IQCH: variants seen among roughly 807,000 people sequenced by gnomAD.
The protein encoded by IQCH is IQ domain-containing protein H.
Under a neutral mutation model 117.0 loss-of-function variants are expected in IQCH, and 98 were observed. That is an observed-to-expected ratio of 0.84 (90% CI 0.71 to 0.99). The LOEUF (loss-of-function observed/expected upper bound fraction) is 0.99, where lower values mean the gene tolerates loss of function less well. Among genes scored for constraint, IQCH ranks in the 50% least tolerant of loss-of-function variants. IQCH has a pLI of 0.00. For synonymous variants in IQCH, 412 were observed against 448.2 expected, an observed-to-expected ratio of 0.92 and a Z score of 1.02; for missense variants, 1,102 against 1,243.8, an observed-to-expected ratio of 0.89 and a Z score of 1.72.
intron 1 of IQCH, among the ~76,000 whole-genome samples, chr15:67,260,287 T>G (rs550325836): frequency 6.6e-6 from 1 of 152,214 alleles, no homozygotes. Flanking sequence ...TCAAATTTCA[T>G]AGGGCCCATT....
intron 4 of IQCH, among the ~76,000 whole-genome samples, chr15:67,331,218 G>A (rs1968652218): frequency 6.6e-6 from 1 of 152,084 alleles, no homozygotes; most frequent in South Asian, 2.1e-4. Context: ...GAGAATTAGG[G>A]GCTGCAAAAG....
intron 4 of IQCH, among the ~76,000 whole-genome samples, chr15:67,312,195 G>A (rs1379489803): frequency 1.3e-5 from 2 of 152,082 alleles, no homozygotes; most frequent in Non-Finnish European, 2.9e-5. Context: ...TAGGGTACAG[G>A]GGTCCATGGG....
chr15:67,486,308 GA>G lies in IQCH; in HGVS notation c.2800-3694del, dbSNP rs569553286. 4.4e-3 allele frequency among the ~76,000 whole-genome samples: 676 copies of G among 152,178 alleles called. 5 individuals are homozygous for G. The highest frequency in any genetic ancestry group is 0.015 in the African/African-American group (643 of 41,536). On this transcript the variant is annotated intron_variant, in intron 18 of 20. Coordinates refer to ENST00000335894, the MANE Select transcript of IQCH (RefSeq NM_001031715.3). ...CCGCCTCGGCCTCCCAAAGTGCTGGGATTACAGGCGTGAGCCACCTATCCTG... is the reference window on the plus strand; with the variant it reads ...CCGCCTCGGCCTCCCAAAGTGCTGGGTTACAGGCGTGAGCCACCTATCCTG...
chr15:67,328,160 G>GTT (rs11357563), intron 4 of IQCH, among the ~76,000 whole-genome samples: 1 of 150,856 alleles, frequency 6.6e-6, no homozygotes. Context: ...TTTGTTTTTA[G>GTT]TTTTTTTTTT....
rs981144262 is a variant in IQCH, at chr15:67,422,647, A to G, written c.2505+1070A>G. ...TTTTGTAGATCATAACATTCTATCT[A>G]TTATTATTTTACTGTATGCTTTTGT... On this transcript the variant is annotated intron_variant, in intron 16 of 20. Transcript: ENST00000335894. This position sits in a 1 kb window ranked among gnomAD's most constrained non-coding sequence, Gnocchi z 4.7. Among the ~76,000 whole-genome samples, 1 of 152,162 alleles carries G rather than the reference A, an allele frequency of 6.6e-6. No individual in the cohort carries two copies. Among genetic ancestry groups the G allele is most frequent in the African/African-American group, 2.4e-5 (1 of 41,438 alleles).
chr15:67,434,776 T>C (rs1045917095), intron 16 of IQCH, among the ~76,000 whole-genome samples: 1 of 145,872 alleles, frequency 6.9e-6, no homozygotes, highest in Non-Finnish European at 1.5e-5. Context: ...TTGTCTTTTC[T>C]TTTCTTTTCT....
At chr15:67,255,205 CCTTTA>C (rs1307061208) in intron 1 of IQCH, 4 of 545,060 alleles carry the variant, frequency 7.3e-6, no homozygotes, top group Non-Finnish European at 1.3e-5. Context: ...TCACCCGGAA[CCTTTA>C]CTTCAGAAAA....
intron 16 of IQCH, among the ~76,000 whole-genome samples, chr15:67,440,169 G>T (rs1229714638): frequency 6.6e-6 from 1 of 152,084 alleles, no homozygotes; most frequent in Non-Finnish European, 1.5e-5. Flanking sequence ...CTTAAATCAG[G>T]AAGAATTAGA....
intron 8 of IQCH, 110 bp from the exon 9 acceptor site, chr15:67,372,001 A>G (rs1970550321): frequency 2.1e-6 from 2 of 948,054 alleles, no homozygotes; most frequent in Non-Finnish European, 1.6e-6. Context: ...TAGGATTCAT[A>G]TCTTCCCACC....
intron 4 of IQCH, among the ~76,000 whole-genome samples, chr15:67,292,769 A>G (rs1316480298): frequency 2.6e-5 from 4 of 152,162 alleles, no homozygotes; most frequent in Non-Finnish European, 4.4e-5. Flanking sequence ...TTCACTCACA[A>G]TATCTTTATC....
At chr15:67,409,768 A>G (rs2081398054) in intron 14 of IQCH, among the ~76,000 whole-genome samples, 1 of 152,162 alleles carries the variant, frequency 6.6e-6, no homozygotes, top group Non-Finnish European at 1.5e-5. Flanking sequence ...TTACAAAGCA[A>G]TTTTACATAC....
chr15:67,340,481 C>T (rs1418602599), intron 5 of IQCH, among the ~76,000 whole-genome samples: 3 of 126,532 alleles, frequency 2.4e-5, no homozygotes, highest in African/African-American at 5.9e-5. Context: ...CTTGTCATAC[C>T]TGATTAAATA....
chr15:67,344,039 C>G (rs1040331697), intron 5 of IQCH, 24 bp from the exon 6 acceptor site: 9 of 1,604,172 alleles, frequency 5.6e-6, no homozygotes, highest in Non-Finnish European at 7.7e-6. Context: ...ATTAAACTCA[C>G]ATTTTATTAA....
In IQCH at chr15:67,430,894, G is replaced by A. The variant is rs1012386032; in HGVS notation, c.2505+9317G>A. ...AAGGAAAGGCTTAAGTGACAACTAC[G>A]TAGAACAATAAAAGAGACATCAAAA... On this transcript the variant is annotated intron_variant, in intron 16 of 20. Coordinates refer to ENST00000335894, the MANE Select transcript of IQCH (RefSeq NM_001031715.3). The surrounding 1 kb of genome is among the most constrained non-coding windows in gnomAD (Gnocchi z 5.1). Among the ~76,000 whole-genome samples, 4 of 152,160 alleles carry A rather than the reference G, an allele frequency of 2.6e-5. No homozygotes were observed. The highest frequency in any genetic ancestry group is 2.1e-4 in the South Asian group (1 of 4,830).
chr15:67,323,851 A>T (rs985794527), intron 4 of IQCH, among the ~76,000 whole-genome samples: 2 of 152,062 alleles, frequency 1.3e-5, no homozygotes, highest in African/African-American at 4.8e-5. Context: ...GAGAAGAAAA[A>T]GATATTATCT....
At position 67,401,685 on chromosome 15, in the gene IQCH, C is replaced by T. The variant is rs1403972444; in HGVS notation, c.2097+1380C>T. 6.6e-6 allele frequency among the ~76,000 whole-genome samples: 1 copy of T among 152,142 alleles called. No homozygotes were observed. The highest frequency in any genetic ancestry group is 1.5e-5 in the Non-Finnish European group (1 of 68,034). ...TTTCCCCATGATCTATTCTGGGCTTCGTTTCTCCCCTCCATCAGTAAATGG... is the reference window on the plus strand; with the variant it reads ...TTTCCCCATGATCTATTCTGGGCTTTGTTTCTCCCCTCCATCAGTAAATGG... On this transcript the variant is annotated intron_variant, in intron 14 of 20. Transcript: ENST00000335894. The surrounding 1 kb of genome is among the most constrained non-coding windows in gnomAD (Gnocchi z 4.7).
At chr15:67,428,864 G>A (rs182722323) in intron 16 of IQCH, among the ~76,000 whole-genome samples, 1 of 130,070 alleles carries the variant, frequency 7.7e-6, no homozygotes. Flanking sequence ...AAAAAAAAAA[G>A]AGAGAGAGAG....
chr15:67,433,592 T>C lies in IQCH; in HGVS notation c.2505+12015T>C, dbSNP rs1163809936. On this transcript the variant is annotated intron_variant, in intron 16 of 20. Transcript: ENST00000335894. This position sits in a 1 kb window ranked among gnomAD's most constrained non-coding sequence, Gnocchi z 5.4. The stretch of plus-strand genomic sequence containing the variant: ...CCATTCTCATCATGGAGCTCTTTGC[T>C]TCCTTTCAAATGAAACCAAGACACC... Among the ~76,000 whole-genome samples the C allele has an allele frequency of 2.0e-5, 3 of 152,194 alleles. No individual in the cohort carries two copies. Among genetic ancestry groups the C allele is most frequent in the East Asian group, 3.9e-4 (2 of 5,194 alleles).
intron 3 of IQCH, among the ~76,000 whole-genome samples, chr15:67,266,835 G>C (rs1358182306): frequency 1.3e-5 from 2 of 151,708 alleles, no homozygotes; most frequent in African/African-American, 4.8e-5. Flanking sequence ...TTCTAATATG[G>C]GTGAAAAAAA....
Sources: allele counts gnomAD v4.1 joint callset (sites outside exome capture counted in the v4.1 genomes callset), GRCh38; gene constraint gnomAD v4.1.1; non-coding constraint Gnocchi (gnomAD v3.1); transcripts MANE v1.5; gene names NCBI Gene and HGNC (gene_info 2026-07-23, HGNC 2026-07-21).